The following EXOSC10 variants were observed in gnomAD, a reference collection of about 807,000 sequenced individuals.
EXOSC10 encodes exosome component 10, also known as exosome complex component 10.
In EXOSC10, 94 loss-of-function variants were observed where a neutral mutation model predicts 126.6. That is an observed-to-expected ratio of 0.74 (90% CI 0.63 to 0.88). The LOEUF is 0.88. Among genes scored for constraint, EXOSC10 ranks in the 40% least tolerant of loss-of-function variants. EXOSC10 has a pLI of 0.00. For missense variants in EXOSC10, 1,041 were observed against 1,100.5 expected, an observed-to-expected ratio of 0.95 and a Z score of 0.77; for synonymous variants, 395 against 400.8, an observed-to-expected ratio of 0.99 and a Z score of 0.17.
chr1:11,088,252 G>A, intron 6 of EXOSC10, 54 bp from the exon 7 acceptor site: 1 of 1,367,104 alleles, frequency 7.3e-7, no homozygotes. Flanking sequence ...ATGATTCAAG[G>A]GAAAAATAAT....
chr1:11,080,564 ACACACACAC>A lies in EXOSC10; in HGVS notation c.1587-24_1587-16del, dbSNP rs1263571532. 5.4e-4 allele frequency: 644 copies of A among 1,202,672 alleles called. No individual in the cohort carries two copies. The highest frequency in any genetic ancestry group is 7.2e-4 in the East Asian group (27 of 37,436). 74.5% of individuals were successfully genotyped at this position (1,202,672 alleles called of 1,614,324 possible). The stretch of plus-strand genomic sequence containing the variant: ...GCAGTACATATCTGGAAAAAAAAAA[ACACACACAC>A]ACACACACACACACACACACACACA... On this transcript the variant is annotated splice_polypyrimidine_tract_variant and intron_variant, in intron 12 of 24. Coordinates refer to ENST00000376936, the MANE Select transcript of EXOSC10 (RefSeq NM_001001998.3).
intron 9 of EXOSC10, among the ~76,000 whole-genome samples, chr1:11,084,868 A>C (rs1313241148): frequency 6.6e-6 from 1 of 152,178 alleles, no homozygotes; most frequent in African/African-American, 2.4e-5. Context: ...TCCCAGCACC[A>C]TTTATTAAAT....
intron 24 of EXOSC10, 23 bp from the exon 25 acceptor site, chr1:11,066,771 A>G (rs776556587): frequency 1.2e-6 from 2 of 1,613,930 alleles, no homozygotes; most frequent in South Asian, 2.2e-5. Flanking sequence ...CAAAAACAAC[A>G]GTTATTTCTT....
intron 3 of EXOSC10, among the ~76,000 whole-genome samples, chr1:11,094,399 A>C (rs186433158): frequency 2.6e-5 from 4 of 151,036 alleles, no homozygotes; most frequent in Non-Finnish European, 5.9e-5. Flanking sequence ...AGTTCAAGCG[A>C]TTCTCCTGCC....
At chr1:11,076,522 G>A (rs909114223) in intron 17 of EXOSC10, among the ~76,000 whole-genome samples, 4 of 152,196 alleles carry the variant, frequency 2.6e-5, no homozygotes, top group African/African-American at 9.6e-5. Flanking sequence ...AGCTTGTCTG[G>A]AAAGCCCTGC....
chr1:11,078,966 A>G (rs1181017446), intron 14 of EXOSC10, among the ~76,000 whole-genome samples: 2 of 152,170 alleles, frequency 1.3e-5, no homozygotes, highest in African/African-American at 2.4e-5. Flanking sequence ...TTATTTCCCT[A>G]GGGTTGTTTA....
At position 11,090,993 on chromosome 1, in the gene EXOSC10, G is replaced by A. The variant is rs780579483; in HGVS notation, c.643+21C>T. On this transcript the variant is annotated intron_variant, in intron 5 of 24. Coordinates refer to ENST00000376936, the MANE Select transcript of EXOSC10 (RefSeq NM_001001998.3). ...TCAAATAAAGTGAGACTCAAACACA[G>A]GCAAAGTATGCACTATTTACCTTGA... is the stretch of plus-strand genomic sequence containing the variant. 2.2e-5 allele frequency: 35 copies of A among 1,609,198 alleles called. 1 individual carries two copies. In the South Asian group the frequency reaches 3.8e-4, roughly 17 times the overall value.
In EXOSC10 at chr1:11,087,819, T is replaced by G; in HGVS notation, c.926A>C (p.Glu309Ala). The G allele has an allele frequency of 1.2e-6, 2 of 1,612,598 alleles. No homozygotes were observed. Among genetic ancestry groups the G allele is most frequent in the African/African-American group, 1.3e-5 (1 of 74,994 alleles). Residue 309 changes from glutamate to alanine, a missense_variant, in exon 8 of 25, where the codon GAA becomes GCA. This residue lies in a region of EXOSC10 where 645 missense variants were observed against 656.3 expected (regional missense o/e 0.98). Coordinates refer to ENST00000376936, the MANE Select transcript of EXOSC10 (RefSeq NM_001001998.3). ...AGATACCTCCAAGTCAACTGCAAAT[T>G]CCTGACAATTCAAGAGCTTTTCGTT... ...ELNEKLLNCQ[E>A]FAVDLEHHSY...
At chr1:11,097,242 G>A (rs1313100499) in intron 2 of EXOSC10, among the ~76,000 whole-genome samples, 1 of 151,808 alleles carries the variant, frequency 6.6e-6, no homozygotes, top group Admixed American at 6.6e-5. Context: ...GCTGGTCGTG[G>A]TGGTGTACAC....
intron 17 of EXOSC10, among the ~76,000 whole-genome samples, chr1:11,074,925 A>G (rs974094035): frequency 6.6e-5 from 10 of 152,210 alleles, no homozygotes; most frequent in Admixed American, 4.6e-4. Context: ...AGGTTGTGAC[A>G]GTCTTTCAGA....
At chr1:11,091,909 C>T (rs537776537) in intron 3 of EXOSC10, among the ~76,000 whole-genome samples, 2 of 152,210 alleles carry the variant, frequency 1.3e-5, no homozygotes, top group Admixed American at 1.3e-4. Flanking sequence ...AGGCTGGTCT[C>T]GAACTCCTGA....
intron 9 of EXOSC10, among the ~76,000 whole-genome samples, chr1:11,085,236 G>A (rs1164991473): frequency 7.9e-5 from 12 of 152,032 alleles, no homozygotes; most frequent in African/African-American, 1.4e-4. Context: ...CCATTTTCAC[G>A]ATATTGATTC....
chr1:11,081,337 T>G, intron 10 of EXOSC10, 99 bp from the exon 11 acceptor site: 1 of 1,333,676 alleles, frequency 7.5e-7, no homozygotes, highest in Non-Finnish European at 1.0e-6. Flanking sequence ...ACCCTTCCAA[T>G]ATGAAAGATC....
intron 3 of EXOSC10, among the ~76,000 whole-genome samples, chr1:11,094,007 G>A (rs1640933278): frequency 6.6e-6 from 1 of 150,710 alleles, no homozygotes; most frequent in Non-Finnish European, 1.5e-5. Context: ...TTGAGCCCAG[G>A]AGTTCAAGGT....
At chr1:11,078,856 T>TC (rs1183623509) in intron 14 of EXOSC10, among the ~76,000 whole-genome samples, 1 of 152,178 alleles carries the variant, frequency 6.6e-6, no homozygotes, top group Non-Finnish European at 1.5e-5. Flanking sequence ...TGCTGAATCA[T>TC]CAAAGCTAAG....
intron 10 of EXOSC10, among the ~76,000 whole-genome samples, chr1:11,082,023 G>A (rs955893379): frequency 8.6e-5 from 13 of 151,382 alleles, no homozygotes; most frequent in African/African-American, 2.9e-4. Flanking sequence ...CAGAGGTTGT[G>A]GTGAGCCGAG....
intron 9 of EXOSC10, among the ~76,000 whole-genome samples, chr1:11,084,455 A>G (rs1320131979): frequency 1.3e-5 from 2 of 152,064 alleles, no homozygotes; most frequent in African/African-American, 2.4e-5. Context: ...CATGTCCTTC[A>G]CCCACTTTTT....
intron 6 of EXOSC10, among the ~76,000 whole-genome samples, chr1:11,088,752 G>C (rs900257513): frequency 6.6e-6 from 1 of 152,230 alleles, no homozygotes; most frequent in Non-Finnish European, 1.5e-5. Flanking sequence ...TGGGGCTAAA[G>C]GCATGAATGC....
intron 3 of EXOSC10, among the ~76,000 whole-genome samples, chr1:11,092,493 G>A (rs927963540): frequency 5.3e-5 from 8 of 150,990 alleles, no homozygotes; most frequent in South Asian, 2.1e-4. Flanking sequence ...GATTACAGGC[G>A]TAAGCCACTG....
Sources: gnomAD v4.1 joint callset for allele counts (sites outside exome capture counted in the v4.1 genomes callset) on GRCh38, gnomAD v4.1.1 for gene constraint, gnomAD v4.1.1 regional missense constraint, MANE v1.5 for transcripts, NCBI Gene and HGNC (gene_info 2026-07-23, HGNC 2026-07-21) for gene names.